GRM7: variants seen among roughly 807,000 people sequenced by gnomAD.
GRM7 encodes metabotropic glutamate receptor 7.
In GRM7, 35 loss-of-function variants were observed where a neutral mutation model predicts 84.5. The ratio of observed to expected loss-of-function variants is 0.41; its 90% CI spans 0.32 to 0.55. The LOEUF is 0.55. GRM7 is among the 20% of genes least tolerant of loss of function. GRM7 has a pLI of 0.19. For synonymous variants in GRM7, 487 were observed against 455.1 expected (o/e 1.07, Z -0.89); for missense variants, 1,003 against 1,194.6 (o/e 0.84, Z 2.36).
At chr3:7,123,863 C>T (rs1036177292) in intron 1 of GRM7, among the ~76,000 whole-genome samples, 3 of 152,202 alleles carry the variant, frequency 2.0e-5, no homozygotes, top group African/African-American at 7.2e-5. Flanking sequence ...ATTTGGTCTG[C>T]TGCTTCTCCG....
At chr3:7,052,554 C>A (rs1697046069) in intron 1 of GRM7, among the ~76,000 whole-genome samples, 1 of 151,296 alleles carries the variant, frequency 6.6e-6, no homozygotes, top group Admixed American at 6.6e-5. Context: ...AATCATCCCA[C>A]CTCCATATAC....
intron 1 of GRM7, among the ~76,000 whole-genome samples, chr3:6,885,737 T>G (rs967859956): frequency 2.6e-5 from 4 of 152,242 alleles, no homozygotes; most frequent in Non-Finnish European, 5.9e-5. Context: ...CCTTCTGTGT[T>G]TACCCCACAA....
intron 9 of GRM7, among the ~76,000 whole-genome samples, chr3:7,699,870 A>G (rs546830384): frequency 1.3e-5 from 2 of 152,330 alleles, no homozygotes; most frequent in South Asian, 2.1e-4. Flanking sequence ...CTGGAGAGCC[A>G]GTCTAGGGTC....
chr3:7,167,837 C>T (rs1305091628), intron 2 of GRM7, among the ~76,000 whole-genome samples: 1 of 151,838 alleles, frequency 6.6e-6, no homozygotes, highest in Non-Finnish European at 1.5e-5. Context: ...GGCGTGGTGG[C>T]AGGCACCTGT....
At chr3:7,467,332 C>A (rs968880447) in intron 7 of GRM7, among the ~76,000 whole-genome samples, 2 of 152,166 alleles carry the variant, frequency 1.3e-5, no homozygotes, top group Non-Finnish European at 2.9e-5. Context: ...TGTAATCAGT[C>A]CGCCTGAGCC....
At chr3:7,219,786 C>T (rs534188638) in intron 2 of GRM7, among the ~76,000 whole-genome samples, 21 of 152,138 alleles carry the variant, frequency 1.4e-4, no homozygotes, top group Non-Finnish European at 2.6e-4. Context: ...TACCATTATC[C>T]AATGAGTGGA....
intron 2 of GRM7, among the ~76,000 whole-genome samples, chr3:7,281,916 A>T (rs749528596): frequency 6.6e-6 from 1 of 152,196 alleles, no homozygotes; most frequent in African/African-American, 2.4e-5. Context: ...CCCCGTCCCT[A>T]CTAAAATACA....
At chr3:7,380,797 G>A (rs551116966) in intron 4 of GRM7, among the ~76,000 whole-genome samples, 2 of 152,246 alleles carry the variant, frequency 1.3e-5, no homozygotes, top group Non-Finnish European at 2.9e-5. Flanking sequence ...ACTGAGAAAA[G>A]AATTCCCTAA....
chr3:7,141,667 T>A (rs1693948921), intron 1 of GRM7, among the ~76,000 whole-genome samples: 1 of 151,628 alleles, frequency 6.6e-6, no homozygotes, highest in African/African-American at 2.4e-5. Context: ...ATGCTACAAC[T>A]AAGATAGCCT....
Position 7,740,033 on chromosome 3 carries a change from C to T in GRM7, c.2699-324C>T, listed in dbSNP as rs187083773. On this transcript the variant is annotated intron_variant, in intron 9 of 9. Coordinates refer to ENST00000357716, the MANE Select transcript of GRM7 (RefSeq NM_000844.4). Reference sequence around the variant, plus strand: ...TGAGAAGAGCACACAACGAAATATACCACAGTGTGAGTGAACCCTTTAAGT... The same window carrying T: ...TGAGAAGAGCACACAACGAAATATATCACAGTGTGAGTGAACCCTTTAAGT... 2.0e-5 allele frequency among the ~76,000 whole-genome samples: 3 copies of T among 152,246 alleles called. No homozygotes were observed. The East Asian group carries it at 5.8e-4, about 29-fold the overall frequency.
At chr3:7,321,828 C>A (rs1289948388) in intron 4 of GRM7, among the ~76,000 whole-genome samples, 1 of 152,026 alleles carries the variant, frequency 6.6e-6, no homozygotes, top group Non-Finnish European at 1.5e-5. Flanking sequence ...TTTTAAGTAC[C>A]ATGGAATTCT....
At chr3:7,305,212 G>T (rs540225980) in intron 3 of GRM7, among the ~76,000 whole-genome samples, 2 of 151,822 alleles carry the variant, frequency 1.3e-5, no homozygotes, top group South Asian at 4.2e-4. Context: ...ATCCCCATCT[G>T]CAGTTTTAAC....
intron 8 of GRM7, among the ~76,000 whole-genome samples, chr3:7,591,685 C>T (rs1218537188): frequency 6.6e-6 from 1 of 152,108 alleles, no homozygotes; most frequent in East Asian, 1.9e-4. Context: ...TGGTGCAAAT[C>T]AGAGTCCAGA....
chr3:6,985,611 C>T (rs1327044713), intron 1 of GRM7, among the ~76,000 whole-genome samples: 1 of 152,104 alleles, frequency 6.6e-6, no homozygotes, highest in Non-Finnish European at 1.5e-5. Flanking sequence ...GCAAAATAGC[C>T]CAACGTCACA....
At chr3:7,131,242 C>G (rs1409408322) in intron 1 of GRM7, among the ~76,000 whole-genome samples, 1 of 152,068 alleles carries the variant, frequency 6.6e-6, no homozygotes, top group Non-Finnish European at 1.5e-5. Context: ...AGGGAGTGAC[C>G]TGCTTCAAAT....
intron 7 of GRM7, among the ~76,000 whole-genome samples, chr3:7,474,040 T>C (rs763851019): frequency 6.6e-6 from 1 of 152,156 alleles, no homozygotes; most frequent in Non-Finnish European, 1.5e-5. Context: ...CTGTGAAGGG[T>C]CAGCTTCTAC....
chr3:7,622,584 A>C (rs1354771118), intron 8 of GRM7, among the ~76,000 whole-genome samples: 1 of 151,972 alleles, frequency 6.6e-6, no homozygotes, highest in Admixed American at 6.6e-5. Flanking sequence ...TGGCATAGAG[A>C]ATACGGTGGA....
chr3:7,304,046 C>T (rs1700100568), intron 3 of GRM7, among the ~76,000 whole-genome samples: 1 of 151,732 alleles, frequency 6.6e-6, no homozygotes, highest in African/African-American at 2.4e-5. Flanking sequence ...AATGTGCGGC[C>T]TCATATTTAT....
chr3:6,872,270 A>T lies in GRM7; in HGVS notation c.519+10363A>T, dbSNP rs187980221. On this transcript the variant is annotated intron_variant, in intron 1 of 9. Coordinates refer to ENST00000357716, the MANE Select transcript of GRM7 (RefSeq NM_000844.4). ...TTTCATTGAGAAGATTATCACAAAA[A>T]CTCTATTATATGAGGCAAAGTACAT... Among the ~76,000 whole-genome samples, 624 of 151,682 alleles carry T rather than the reference A, an allele frequency of 4.1e-3. 2 individuals carry two copies. Among genetic ancestry groups the T allele is most frequent in the Middle Eastern group, 6.8e-3 (2 of 294 alleles).
Sources: gnomAD v4.1 joint callset for allele counts (sites outside exome capture counted in the v4.1 genomes callset) on GRCh38, gnomAD v4.1.1 for gene constraint, MANE v1.5 for transcripts, NCBI Gene and HGNC (gene_info 2026-07-23, HGNC 2026-07-21) for gene names.